Variants in FBXO38 observed in about 807,000 individuals in gnomAD.
The protein encoded by FBXO38 is F-box only protein 38.
FBXO38 carries 53 observed loss-of-function variants against 131.9 expected under a neutral mutation model. The observed-to-expected ratio is 0.40, with a 90% CI of 0.32 to 0.51. FBXO38 has a LOEUF of 0.51. Among genes scored for constraint, FBXO38 ranks in the 20% least tolerant of loss-of-function variants. The probability of loss-of-function intolerance (pLI) is 0.53; values close to 1 mark genes in which losing one functional copy is unlikely to be tolerated. For synonymous variants in FBXO38, 452 were observed against 505.6 expected, an observed-to-expected ratio of 0.89 and a Z score of 1.42; for missense variants, 1,076 against 1,475.6, an observed-to-expected ratio of 0.73 and a Z score of 4.44.
At chr5:148,388,452 A>T (rs1044504373) in intron 1 of FBXO38, among the ~76,000 whole-genome samples, 3 of 152,190 alleles carry the variant, frequency 2.0e-5, no homozygotes, top group African/African-American at 7.2e-5. Context: ...TATTATTCCA[A>T]TGGAAGGCTG....
At chr5:148,422,738 G>A (rs1328848579) in intron 12 of FBXO38, among the ~76,000 whole-genome samples, 2 of 152,198 alleles carry the variant, frequency 1.3e-5, no homozygotes, top group Non-Finnish European at 2.9e-5. Context: ...AAAAGCAGTT[G>A]ATCAGCAACT....
intron 5 of FBXO38, among the ~76,000 whole-genome samples, chr5:148,403,922 T>G (rs1752299966): frequency 6.6e-6 from 1 of 152,174 alleles, no homozygotes; most frequent in Non-Finnish European, 1.5e-5. Context: ...TTCCTTGGCT[T>G]TTATCTTCTT....
intron 9 of FBXO38, among the ~76,000 whole-genome samples, chr5:148,412,771 A>G (rs1376234507): frequency 6.6e-6 from 1 of 152,124 alleles, no homozygotes; most frequent in African/African-American, 2.4e-5. Context: ...GCTCTGAGGA[A>G]CCAAGGGAAA....
chr5:148,398,677 T>C (rs2113520312), intron 2 of FBXO38, among the ~76,000 whole-genome samples: 1 of 140,616 alleles, frequency 7.1e-6, no homozygotes, highest in East Asian at 2.5e-4. Flanking sequence ...AAAAGCACTG[T>C]TTTTTTTTTT....
At chr5:148,417,303 T>C in intron 12 of FBXO38, 99 bp downstream of exon 12, 1 of 870,278 alleles carries the variant, frequency 1.1e-6, no homozygotes, top group Non-Finnish European at 1.9e-6. Context: ...TTTCAACTTG[T>C]CACTTTCCAC....
chr5:148,417,349 G>A, intron 12 of FBXO38, 145 bp downstream of exon 12: 1 of 655,644 alleles, frequency 1.5e-6, no homozygotes, highest in South Asian at 1.9e-5. Flanking sequence ...ACATGAGGGA[G>A]TAGGTGAAAT....
intron 3 of FBXO38, 77 bp downstream of exon 3, chr5:148,399,209 G>A (rs1218505001): frequency 6.5e-7 from 1 of 1,531,508 alleles, no homozygotes; most frequent in Admixed American, 1.9e-5. Flanking sequence ...AAAGTTACTT[G>A]TTGTCTTGAG....
chr5:148,427,195 T>G lies in FBXO38; in HGVS notation c.1919-18T>G. The stretch of plus-strand genomic sequence containing the variant: ...ATCTTTTCTTTTCCTCGGGCCGTTC[T>G]TCTTTTTCTATAAGCAGTAAGTGGA... On this transcript the variant is annotated intron_variant, in intron 14 of 21. Coordinates refer to ENST00000340253, the MANE Select transcript of FBXO38 (RefSeq NM_205836.3). The G allele has an allele frequency of 6.4e-7, 1 of 1,556,840 alleles. No individual in the cohort carries two copies. The highest frequency in any genetic ancestry group is 8.7e-7 in the Non-Finnish European group (1 of 1,154,764).
At chr5:148,385,847 G>A (rs777603174) in intron 1 of FBXO38, among the ~76,000 whole-genome samples, 1 of 152,162 alleles carries the variant, frequency 6.6e-6, no homozygotes, top group Non-Finnish European at 1.5e-5. Context: ...TTGAAGGGCA[G>A]GGAAGCCCTT....
At chr5:148,429,319 T>C (rs1753898596) in intron 15 of FBXO38, among the ~76,000 whole-genome samples, 1 of 149,824 alleles carries the variant, frequency 6.7e-6, no homozygotes, top group African/African-American at 2.5e-5. Context: ...TTTATTTCAA[T>C]ATGTGGGAGC....
chr5:148,385,546 T>C (rs1481280289), intron 1 of FBXO38, among the ~76,000 whole-genome samples: 1 of 152,248 alleles, frequency 6.6e-6, no homozygotes, highest in Non-Finnish European at 1.5e-5. Flanking sequence ...GGCCTCACTT[T>C]CCTTATCTGT....
chr5:148,433,914 G>A (rs949984538), intron 17 of FBXO38, 177 bp downstream of exon 17: 4 of 426,770 alleles, frequency 9.4e-6, no homozygotes, highest in Middle Eastern at 6.3e-4. Flanking sequence ...GTATTTCTGA[G>A]CATCATATAT....
intron 17 of FBXO38, among the ~76,000 whole-genome samples, chr5:148,436,937 C>T (rs1011663963): frequency 3.9e-5 from 6 of 152,216 alleles, no homozygotes; most frequent in African/African-American, 1.4e-4. Context: ...GGGTACTCAC[C>T]CTAGCCTTAC....
intron 3 of FBXO38, 33 bp downstream of exon 3, chr5:148,399,165 G>A: frequency 6.2e-7 from 1 of 1,605,088 alleles, no homozygotes; most frequent in Admixed American, 1.7e-5. Flanking sequence ...GTACAGTAGT[G>A]TCCTACTGGA....
At chr5:148,415,723 T>C (rs1753014526) in intron 10 of FBXO38, among the ~76,000 whole-genome samples, 2 of 152,164 alleles carry the variant, frequency 1.3e-5, no homozygotes, top group South Asian at 4.1e-4. Flanking sequence ...TTCAAATTAA[T>C]GTTCCCCAGG....
chr5:148,406,248 T>TTC lies in FBXO38; in HGVS notation c.731-8_731-7insCT. On this transcript the variant is annotated splice_polypyrimidine_tract_variant and intron_variant, in intron 6 of 21. Coordinates refer to ENST00000340253, the MANE Select transcript of FBXO38 (RefSeq NM_205836.3). ...CATTGTTCTATCAAAGATTTTTTTT[T>TTC]TTTTCCAGGACCCACAAATTCCTTG... 1 of 1,558,494 alleles carries TTC rather than the reference T, an allele frequency of 6.4e-7. No individual in the cohort carries two copies. Among genetic ancestry groups the TTC allele is most frequent in the Non-Finnish European group, 8.6e-7 (1 of 1,159,140 alleles).
intron 3 of FBXO38, 125 bp downstream of exon 3, chr5:148,399,257 T>C (rs1752003638): frequency 9.5e-7 from 1 of 1,053,562 alleles, no homozygotes; most frequent in African/African-American, 1.6e-5. Flanking sequence ...TGGCAAGATT[T>C]TGTCTAAATT....
At chr5:148,388,880 C>G (rs1758051743) in intron 1 of FBXO38, among the ~76,000 whole-genome samples, 1 of 152,236 alleles carries the variant, frequency 6.6e-6, no homozygotes, top group African/African-American at 2.4e-5. Flanking sequence ...ATGTTTGGCA[C>G]AAGAAGCCTA....
rs539311828 is a variant in FBXO38 at position 148,386,137 on chromosome 5, T to C, written c.-64+2098T>C. On this transcript the variant is annotated intron_variant, in intron 1 of 21. Coordinates refer to ENST00000340253, the MANE Select transcript of FBXO38 (RefSeq NM_205836.3). ...CCACTGCATGGGAGCCTAAATTAAATGGACCATAAATCCTAATTGGTGAAG... is the reference window on the plus strand; with the variant it reads ...CCACTGCATGGGAGCCTAAATTAAACGGACCATAAATCCTAATTGGTGAAG... 5.9e-5 allele frequency among the ~76,000 whole-genome samples: 9 copies of C among 152,266 alleles called. No individual in the cohort carries two copies. The South Asian group carries it at 1.5e-3, about 25-fold the overall frequency.
Sources: gnomAD v4.1 joint callset for allele counts (sites outside exome capture counted in the v4.1 genomes callset) on GRCh38, gnomAD v4.1.1 for gene constraint, MANE v1.5 for transcripts, NCBI Gene and HGNC (gene_info 2026-07-23, HGNC 2026-07-21) for gene names.